AFG1L: variants seen among roughly 807,000 people sequenced by gnomAD.
The protein encoded by AFG1L is AFG1 like ATPase, also known as AFG1-like ATPase.
In AFG1L, 53 loss-of-function variants were observed where a neutral mutation model predicts 62.2. The observed-to-expected ratio is 0.85, with a 90% CI of 0.68 to 1.07. AFG1L has a LOEUF of 1.07. Ranked by LOEUF, AFG1L falls within the 50% of genes least tolerant of loss-of-function variation. AFG1L has a pLI of 0.00. For synonymous variants in AFG1L, 228 were observed against 210.3 expected (o/e 1.08, Z -0.73); for missense variants, 555 against 590.5 (o/e 0.94, Z 0.62).
chr6:108,366,897 A>G (rs1369303184), intron 6 of AFG1L, among the ~76,000 whole-genome samples: 5 of 152,116 alleles, frequency 3.3e-5, no homozygotes, highest in African/African-American at 4.8e-5. Flanking sequence ...AGAAACCACA[A>G]ATATTTCATG....
intron 7 of AFG1L, among the ~76,000 whole-genome samples, chr6:108,446,626 G>A (rs907558200): frequency 2.0e-5 from 3 of 151,496 alleles, no homozygotes; most frequent in Admixed American, 1.3e-4. Context: ...CAGCTTAGCC[G>A]GCCAAATAGC....
At chr6:108,488,069 C>G (rs1478036674) in intron 10 of AFG1L, among the ~76,000 whole-genome samples, 1 of 152,206 alleles carries the variant, frequency 6.6e-6, no homozygotes, top group Non-Finnish European at 1.5e-5. Flanking sequence ...GAAGATCCTT[C>G]TTTCCAGAAG....
chr6:108,422,514 C>G (rs1770648062), intron 7 of AFG1L, among the ~76,000 whole-genome samples: 1 of 56,362 alleles, frequency 1.8e-5, no homozygotes, highest in African/African-American at 1.4e-4. Context: ...AAGAAATGCT[C>G]TATTTCAGAA....
chr6:108,512,800 A>G (rs1242649673), intron 11 of AFG1L, among the ~76,000 whole-genome samples: 1 of 152,162 alleles, frequency 6.6e-6, no homozygotes, highest in African/African-American at 2.4e-5. Flanking sequence ...TAAATCACAC[A>G]TTTAGAGATT....
intron 2 of AFG1L, among the ~76,000 whole-genome samples, chr6:108,333,090 T>A (rs1056466568): frequency 6.6e-6 from 1 of 152,158 alleles, no homozygotes; most frequent in African/African-American, 2.4e-5. Context: ...GACGACAGAC[T>A]GGGAGAAAAG....
At chr6:108,321,854 T>A (rs552080897) in intron 1 of AFG1L, among the ~76,000 whole-genome samples, 25 of 152,260 alleles carry the variant, frequency 1.6e-4, no homozygotes, top group Non-Finnish European at 3.2e-4. Flanking sequence ...TATACACTAC[T>A]TTAAAAGCAA....
chr6:108,345,520 G>A (rs748633115), intron 2 of AFG1L, among the ~76,000 whole-genome samples: 2 of 151,324 alleles, frequency 1.3e-5, no homozygotes, highest in African/African-American at 2.4e-5. Flanking sequence ...TCACCATGCC[G>A]GCTGATTTTT....
At chr6:108,448,067 C>T (rs1257228389) in intron 8 of AFG1L, among the ~76,000 whole-genome samples, 2 of 152,150 alleles carry the variant, frequency 1.3e-5, no homozygotes, top group African/African-American at 4.8e-5. Flanking sequence ...GAGAAAAGTT[C>T]TTGTCTCTGC....
At chr6:108,425,608 G>A (rs146557042) in intron 7 of AFG1L, among the ~76,000 whole-genome samples, 160 of 152,034 alleles carry the variant, frequency 1.1e-3, no homozygotes, top group African/African-American at 3.6e-3. Flanking sequence ...AGCTCTTTCC[G>A]CCAAACCATG....
intron 10 of AFG1L, among the ~76,000 whole-genome samples, chr6:108,509,775 C>T (rs1055592077): frequency 1.3e-5 from 2 of 152,090 alleles, no homozygotes; most frequent in Non-Finnish European, 2.9e-5. Flanking sequence ...AAACAATCCC[C>T]AAAAGGGAGA....
intron 6 of AFG1L, among the ~76,000 whole-genome samples, chr6:108,377,838 T>G (rs1251111492): frequency 1.3e-5 from 2 of 151,704 alleles, no homozygotes; most frequent in Non-Finnish European, 2.9e-5. Flanking sequence ...TTTTTGACAT[T>G]TTTCACAAAT....
At chr6:108,307,247 C>A (rs998038486) in intron 1 of AFG1L, among the ~76,000 whole-genome samples, 1 of 151,866 alleles carries the variant, frequency 6.6e-6, no homozygotes, top group Non-Finnish European at 1.5e-5. Flanking sequence ...CTCCTGACGT[C>A]GTGATTTGCC....
chr6:108,461,145 C>G (rs1415408953), intron 8 of AFG1L, among the ~76,000 whole-genome samples: 1 of 152,096 alleles, frequency 6.6e-6, no homozygotes, highest in Non-Finnish European at 1.5e-5. Flanking sequence ...ACAAAGTATT[C>G]AAACTGAGAT....
At chr6:108,485,646 ATATATATATATTTTTTTTTTT>A (rs1396850046) in intron 10 of AFG1L, among the ~76,000 whole-genome samples, 38 of 20,446 alleles carry the variant, frequency 1.9e-3, no homozygotes, top group Non-Finnish European at 1.3e-3. Context: ...ATATATATAT[ATATATATATATTTTTTTTTTT>A]TTTTTTTTTT....
At chr6:108,382,160 C>T (rs918978342) in intron 6 of AFG1L, among the ~76,000 whole-genome samples, 1 of 152,004 alleles carries the variant, frequency 6.6e-6, no homozygotes, top group Non-Finnish European at 1.5e-5. Flanking sequence ...GCCACCACAC[C>T]TGGCTAATTT....
In AFG1L at chr6:108,299,795, G is replaced by T. The variant is rs1170648164; in HGVS notation, c.139+4577G>T. Among the ~76,000 whole-genome samples, 8 of 152,208 alleles carry T rather than the reference G, an allele frequency of 5.3e-5. No homozygotes were observed. The East Asian group carries it at 1.5e-3, about 29-fold the overall frequency. Reference sequence around the variant, plus strand: ...TCTAAAAATAGAAGAGAAAAGAAAAGAAAAAGCAAAAGCTGAGGGCTAGTG... The same window carrying T: ...TCTAAAAATAGAAGAGAAAAGAAAATAAAAAGCAAAAGCTGAGGGCTAGTG... On this transcript the variant is annotated intron_variant, in intron 1 of 12. Transcript: ENST00000368977.
intron 8 of AFG1L, among the ~76,000 whole-genome samples, chr6:108,457,103 C>T (rs1352653985): frequency 6.6e-6 from 1 of 152,110 alleles, no homozygotes; most frequent in Non-Finnish European, 1.5e-5. Context: ...ACTTCTCAGT[C>T]TTTTGTTTAA....
chr6:108,358,722 C>T (rs748501741), intron 5 of AFG1L, among the ~76,000 whole-genome samples: 2 of 152,008 alleles, frequency 1.3e-5, no homozygotes, highest in South Asian at 2.1e-4. Context: ...TTAGTAGAGA[C>T]GGGGTTTCAC....
At chr6:108,411,000 A>G (rs1031521003) in intron 7 of AFG1L, among the ~76,000 whole-genome samples, 1 of 152,158 alleles carries the variant, frequency 6.6e-6, no homozygotes, top group African/African-American at 2.4e-5. Flanking sequence ...GGGTCAGGGA[A>G]TTCCCTTTCC....
Sources: gnomAD v4.1 joint callset for allele counts (sites outside exome capture counted in the v4.1 genomes callset) on GRCh38, gnomAD v4.1.1 for gene constraint, MANE v1.5 for transcripts, NCBI Gene and HGNC (gene_info 2026-07-23, HGNC 2026-07-21) for gene names.